The following DNAH6 variants were observed in gnomAD, a reference collection of about 807,000 sequenced individuals.
DNAH6 encodes the protein dynein axonemal heavy chain 6.
In DNAH6, 340 loss-of-function variants were observed where a neutral mutation model predicts 491.4. That is an observed-to-expected ratio of 0.69 (90% CI 0.63 to 0.76). DNAH6 has a LOEUF of 0.76. DNAH6 is among the 30% of genes least tolerant of loss of function. The pLI, the probability that DNAH6 is intolerant of heterozygous loss-of-function variation, is 0.00. For missense variants in DNAH6, 4,443 were observed against 4,972.2 expected (o/e 0.89, Z 3.20); for synonymous variants, 1,603 against 1,686.1 (o/e 0.95, Z 1.21).
chr2:84,712,093 G>A (rs1697100294), intron 56 of DNAH6, among the ~76,000 whole-genome samples: 1 of 152,144 alleles, frequency 6.6e-6, no homozygotes, highest in African/African-American at 2.4e-5. Context: ...TGTGTCTTGG[G>A]GTCATCAGCA....
chr2:84,692,061 A>G lies in DNAH6; in HGVS notation c.7293-2188A>G, dbSNP rs111531078. Among the ~76,000 whole-genome samples, 805 of 152,364 alleles carry G rather than the reference A, an allele frequency of 5.3e-3. 5 individuals are homozygous for G. The highest frequency in any genetic ancestry group is 0.018 in the African/African-American group (738 of 41,588). On this transcript the variant is annotated intron_variant, in intron 45 of 76. Coordinates refer to ENST00000389394, the MANE Select transcript of DNAH6 (RefSeq NM_001370.2). ...GGAGTCTGTGCCTTGTCCTGGAGGA[A>G]GACTTTTTAAATAAGTCCTCGTAGA...
chr2:84,744,713 A>G (rs552480651), intron 62 of DNAH6, among the ~76,000 whole-genome samples: 32 of 152,246 alleles, frequency 2.1e-4, no homozygotes, highest in African/African-American at 7.0e-4. Flanking sequence ...TTTTATTAAT[A>G]TAAGAACCTA....
At chr2:84,679,082 C>A (rs1347428061) in intron 41 of DNAH6, among the ~76,000 whole-genome samples, 1 of 150,236 alleles carries the variant, frequency 6.7e-6, no homozygotes, top group Non-Finnish European at 1.5e-5. Flanking sequence ...TGAAGAAGAG[C>A]AAAATCAATA....
intron 56 of DNAH6, among the ~76,000 whole-genome samples, chr2:84,712,461 C>T (rs1427622322): frequency 6.6e-6 from 1 of 152,170 alleles, no homozygotes; most frequent in Non-Finnish European, 1.5e-5. Flanking sequence ...TACCAACAGT[C>T]AGATTTGCTT....
chr2:84,472,981 CACA>C, the DNAH6 span, among the ~76,000 whole-genome samples: 1 of 152,130 alleles, frequency 6.6e-6, no homozygotes, highest in South Asian at 2.1e-4. Context: ...ACACTGTTAT[CACA>C]GCCATAAGTT....
At chr2:84,686,694 C>T (rs1480487867) in intron 44 of DNAH6, 137 bp downstream of exon 44, 1 of 561,544 alleles carries the variant, frequency 1.8e-6, no homozygotes. Context: ...AAACTATGGC[C>T]CATGAGCCAC....
chr2:84,536,475 A>G (rs1677699407), intron 4 of DNAH6, among the ~76,000 whole-genome samples: 1 of 152,100 alleles, frequency 6.6e-6, no homozygotes, highest in African/African-American at 2.4e-5. Flanking sequence ...GAACCTAAAG[A>G]AAGATTATTA....
At chr2:84,779,096 GA>G (rs1324144862) in intron 64 of DNAH6, among the ~76,000 whole-genome samples, 1 of 152,110 alleles carries the variant, frequency 6.6e-6, no homozygotes, top group Non-Finnish European at 1.5e-5. Flanking sequence ...ACATACAGAT[GA>G]AAAAAATGTA....
intron 2 of DNAH6, among the ~76,000 whole-genome samples, chr2:84,520,732 G>A (rs1573485122): frequency 6.6e-6 from 1 of 152,048 alleles, no homozygotes; most frequent in African/African-American, 2.4e-5. Context: ...TTCCTCTGAG[G>A]AACATGATCT....
At chr2:84,664,878 C>T (rs1052622587) in intron 37 of DNAH6, among the ~76,000 whole-genome samples, 1 of 152,162 alleles carries the variant, frequency 6.6e-6, no homozygotes, top group Non-Finnish European at 1.5e-5. Flanking sequence ...TGTAAAAGAA[C>T]AGAAATTGTA....
At chr2:84,464,544 T>TC in the DNAH6 span, among the ~76,000 whole-genome samples, 1 of 152,202 alleles carries the variant, frequency 6.6e-6, no homozygotes, top group Admixed American at 6.5e-5. Context: ...GAATGGCTAC[T>TC]CCATAAACAC....
intron 15 of DNAH6, among the ~76,000 whole-genome samples, chr2:84,586,746 A>T (rs752883001): frequency 8.5e-5 from 13 of 152,196 alleles, no homozygotes; most frequent in Non-Finnish European, 1.8e-4. Flanking sequence ...GCCAAGGGTC[A>T]CGCAGTTACT....
At chr2:84,643,506 G>C (rs547970332) in intron 33 of DNAH6, among the ~76,000 whole-genome samples, 1 of 151,952 alleles carries the variant, frequency 6.6e-6, no homozygotes, top group Non-Finnish European at 1.5e-5. Context: ...CACTGCACAC[G>C]TGGTACTCCT....
intron 63 of DNAH6, among the ~76,000 whole-genome samples, chr2:84,746,947 T>C (rs1177475552): frequency 1.3e-5 from 2 of 152,170 alleles, no homozygotes; most frequent in African/African-American, 2.4e-5. Context: ...CTATCTCTTA[T>C]GTGAGCTACT....
At chr2:84,632,512 C>G (rs1460554980) in intron 29 of DNAH6, among the ~76,000 whole-genome samples, 2 of 152,198 alleles carry the variant, frequency 1.3e-5, no homozygotes, top group Admixed American at 6.5e-5. Flanking sequence ...AGATCAAGAT[C>G]TGGAATTTTC....
chr2:84,780,651 G>C (rs1676596482), intron 64 of DNAH6, among the ~76,000 whole-genome samples: 1 of 152,162 alleles, frequency 6.6e-6, no homozygotes, highest in African/African-American at 2.4e-5. Context: ...AATCTGGTTA[G>C]ATACATTGCA....
intron 42 of DNAH6, among the ~76,000 whole-genome samples, chr2:84,684,894 G>A (rs1694131261): frequency 6.6e-6 from 1 of 152,222 alleles, no homozygotes; most frequent in Non-Finnish European, 1.5e-5. Context: ...GGTGAGGACT[G>A]ACATTGGGGA....
chr2:84,734,608 C>G (rs1699390582), intron 62 of DNAH6, among the ~76,000 whole-genome samples: 1 of 152,130 alleles, frequency 6.6e-6, no homozygotes, highest in Non-Finnish European at 1.5e-5. Flanking sequence ...TTCTTGAATG[C>G]AAGGTTCCAT....
At chr2:84,558,373 G>A (rs959779681) in intron 11 of DNAH6, among the ~76,000 whole-genome samples, 6 of 150,334 alleles carry the variant, frequency 4.0e-5, no homozygotes, top group South Asian at 2.1e-4. Context: ...GCAGTGAGCC[G>A]AGATCGCGCC....
Sources: allele counts gnomAD v4.1 joint callset (sites outside exome capture counted in the v4.1 genomes callset), GRCh38; gene constraint gnomAD v4.1.1; transcripts MANE v1.5; gene names NCBI Gene and HGNC (gene_info 2026-07-23, HGNC 2026-07-21).